Variants in CHST15 observed in about 807,000 individuals in gnomAD.
The protein encoded by CHST15 is B cell RAG associated protein (GALNAC4S-6ST).
Under a neutral mutation model 53.6 loss-of-function variants are expected in CHST15, and 30 were observed. That is an observed-to-expected ratio of 0.56 (90% confidence interval 0.42 to 0.76). The LOEUF is 0.76. Among genes scored for constraint, CHST15 ranks in the 30% least tolerant of loss-of-function variants. CHST15 has a pLI of 0.00. For synonymous variants in CHST15, 296 were observed against 289.8 expected (o/e 1.02, Z -0.22); for missense variants, 627 against 740.5 (o/e 0.85, Z 1.78).
intron 6 of CHST15, among the ~76,000 whole-genome samples, chr10:124,018,521 T>C (rs904470792): frequency 1.3e-5 from 2 of 152,234 alleles, no homozygotes; most frequent in African/African-American, 4.8e-5. Context: ...TCTGTTCAGA[T>C]TCGCCTCTGT....
intron 1 of CHST15, among the ~76,000 whole-genome samples, chr10:124,092,677 C>A (rs7091055): frequency 0.41 from 62,833 of 152,014 alleles, 13,580 homozygotes; most frequent in African/African-American, 0.54. Flanking sequence ...TCCGAGCTCG[C>A]AACCGGGGAG....
At chr10:124,077,603 G>GC (rs1420987568) in intron 1 of CHST15, among the ~76,000 whole-genome samples, 1 of 152,200 alleles carries the variant, frequency 6.6e-6, no homozygotes, top group Non-Finnish European at 1.5e-5. Context: ...CCAGTGCCCT[G>GC]CTCTGTTAGT....
rs575586875 is a variant in CHST15 at position 124,076,758 on chromosome 10, G to A, written c.-513+16711C>T. On this transcript the variant is annotated intron_variant, in intron 1 of 7. Transcript: ENST00000435907. Reference sequence around the variant, plus strand: ...GGAGTCTCGCTCTGTCGCCCAGGCTGGAGTGCAGTGGTGCGATCTCGGCTC... The same window carrying A: ...GGAGTCTCGCTCTGTCGCCCAGGCTAGAGTGCAGTGGTGCGATCTCGGCTC... Among the ~76,000 whole-genome samples, 25 of 150,126 alleles carry A rather than the reference G, an allele frequency of 1.7e-4. No individual in the cohort carries two copies. The South Asian group carries it at 5.0e-3, about 30-fold the overall frequency.
intron 5 of CHST15, among the ~76,000 whole-genome samples, chr10:124,026,225 G>C (rs562275328): frequency 1.3e-5 from 2 of 152,192 alleles, no homozygotes; most frequent in South Asian, 4.1e-4. Flanking sequence ...CCCTTCAGGG[G>C]AGCACTCAGA....
rs922630422 is a variant in CHST15, at chr10:124,046,470, A to G, written c.-258T>C. 2 of 384,816 alleles carry G rather than the reference A, an allele frequency of 5.2e-6. No homozygotes were observed. Among genetic ancestry groups the G allele is most frequent in the African/African-American group, 4.2e-5 (2 of 48,158 alleles). 23.8% of individuals were successfully genotyped at this position (384,816 alleles called of 1,614,324 possible). ...GTTCTACAAGAGCCGCTGCAACCTC[A>G]GAGAAGGTCACAAGTTCGGGAGCAG... On this transcript the variant is annotated 5_prime_UTR_variant, in exon 2 of 8. Transcript: ENST00000435907.
At chr10:124,039,701 A>G (rs1330798986) in intron 4 of CHST15, among the ~76,000 whole-genome samples, 1 of 152,254 alleles carries the variant, frequency 6.6e-6, no homozygotes, top group East Asian at 1.9e-4. Flanking sequence ...GCATTCCAAC[A>G]GCACAGACTC....
intron 1 of CHST15, among the ~76,000 whole-genome samples, chr10:124,048,469 A>C (rs558656579): frequency 6.6e-6 from 1 of 152,130 alleles, no homozygotes; most frequent in Non-Finnish European, 1.5e-5. Flanking sequence ...CTCAGGCCCT[A>C]CCCCCATCTC....
intron 6 of CHST15, chr10:124,020,141 A>C: frequency 2.0e-6 from 2 of 985,572 alleles, no homozygotes; most frequent in Non-Finnish European, 2.4e-6. Context: ...AGCGTCATGC[A>C]GGGGACATAG....
At chr10:124,027,684 G>A (rs934038984) in intron 5 of CHST15, among the ~76,000 whole-genome samples, 1 of 152,342 alleles carries the variant, frequency 6.6e-6, no homozygotes, top group East Asian at 1.9e-4. Flanking sequence ...CTGCATGCAT[G>A]CTCTGCGTCT....
intron 5 of CHST15, among the ~76,000 whole-genome samples, chr10:124,034,718 C>T (rs1947371291): frequency 1.4e-5 from 2 of 139,504 alleles, no homozygotes; most frequent in African/African-American, 2.7e-5. Context: ...GGGACCCCGG[C>T]TCCACCCCCT....
chr10:124,071,692 A>G (rs1415805430), intron 1 of CHST15, among the ~76,000 whole-genome samples: 1 of 152,232 alleles, frequency 6.6e-6, no homozygotes, highest in Non-Finnish European at 1.5e-5. Flanking sequence ...TGGATGCTAC[A>G]TTTTCATCTG....
chr10:124,012,215 C>G (rs891480457), intron 7 of CHST15, 118 bp downstream of exon 7: 1 of 1,193,822 alleles, frequency 8.4e-7, no homozygotes, highest in Non-Finnish European at 1.2e-6. Flanking sequence ...ATCCCCAGGC[C>G]TCCCAGCTCA....
intron 1 of CHST15, among the ~76,000 whole-genome samples, chr10:124,092,021 C>T (rs1949615314): frequency 6.6e-6 from 1 of 152,232 alleles, no homozygotes; most frequent in Admixed American, 6.5e-5. Flanking sequence ...CACACTCGCG[C>T]GCACGCCGGC....
Position 124,008,078 on chromosome 10 carries a change from A to G in CHST15, c.*2071T>C. Reference sequence around the variant, plus strand: ...CATATATAAAAAAGATCCGCATAATAAACCAAATAATATTGGAAATAATAC... The same window carrying G: ...CATATATAAAAAAGATCCGCATAATGAACCAAATAATATTGGAAATAATAC... On this transcript the variant is annotated 3_prime_UTR_variant, in exon 8 of 8. Transcript: ENST00000435907. 1 of 1,232,126 alleles carries G rather than the reference A, an allele frequency of 8.1e-7. No individual in the cohort carries two copies. 76.3% of individuals were successfully genotyped at this position (1,232,126 alleles called of 1,614,324 possible). A position where few individuals can be genotyped will look rare whatever the true frequency, so the allele number is the denominator to read the frequency against.
In CHST15 at chr10:124,036,013, T is replaced by G. The variant is rs763572613; in HGVS notation, c.1190+2502A>C. Among the ~76,000 whole-genome samples, 1 of 152,244 alleles carries G rather than the reference T, an allele frequency of 6.6e-6. No individual in the cohort carries two copies. Among genetic ancestry groups the G allele is most frequent in the East Asian group, 1.9e-4 (1 of 5,182 alleles). Reference sequence around the variant, plus strand: ...GCCCAGACAGTACACAAGGCTGCTGTGTGCACTCTCGGCCCCTGAGGTTAA... The same window carrying G: ...GCCCAGACAGTACACAAGGCTGCTGGGTGCACTCTCGGCCCCTGAGGTTAA... On this transcript the variant is annotated intron_variant, in intron 5 of 7. Transcript: ENST00000435907. This position sits in a 1 kb window ranked among gnomAD's most constrained non-coding sequence, Gnocchi z 5.1.
intron 5 of CHST15, among the ~76,000 whole-genome samples, chr10:124,029,632 C>T (rs940913931): frequency 5.3e-5 from 8 of 152,242 alleles, no homozygotes; most frequent in African/African-American, 1.9e-4. Context: ...CGTGATTCAC[C>T]AGTGACTCTC....
intron 4 of CHST15, among the ~76,000 whole-genome samples, chr10:124,040,242 C>G (rs1216997987): frequency 8.5e-5 from 13 of 152,200 alleles, no homozygotes; most frequent in Admixed American, 7.2e-4. Flanking sequence ...ACCATCCATC[C>G]TTCGTCCATC....
chr10:124,030,735 C>A (rs190306067), intron 5 of CHST15, among the ~76,000 whole-genome samples: 3 of 152,314 alleles, frequency 2.0e-5, no homozygotes, highest in Admixed American at 6.5e-5. Context: ...GAGAACACAT[C>A]CAGGGCTTTC....
intron 1 of CHST15, among the ~76,000 whole-genome samples, chr10:124,078,730 T>A (rs1255319711): frequency 2.0e-5 from 3 of 152,214 alleles, no homozygotes; most frequent in Non-Finnish European, 2.9e-5. Context: ...TGCTAAAGCT[T>A]ATGAAATTCT....
Sources: gnomAD v4.1 joint callset for allele counts (sites outside exome capture counted in the v4.1 genomes callset) on GRCh38, gnomAD v4.1.1 for gene constraint, Gnocchi (gnomAD v3.1) non-coding constraint, MANE v1.5 for transcripts, NCBI Gene and HGNC (gene_info 2026-07-23, HGNC 2026-07-21) for gene names.